Variants in ATG7 observed in about 807,000 individuals in gnomAD.
The protein encoded by ATG7 is autophagy related 7, also known as ubiquitin-like modifier-activating enzyme ATG7.
ATG7 carries 70 observed loss-of-function variants against 82.4 expected under a neutral mutation model. The ratio of observed to expected loss-of-function variants is 0.85; its 90% CI spans 0.70 to 1.04. The LOEUF (loss-of-function observed/expected upper bound fraction) is 1.04, where lower values mean the gene tolerates loss of function less well. Ranked by LOEUF, ATG7 falls within the 50% of genes least tolerant of loss-of-function variation. ATG7 has a pLI of 0.00. For missense variants in ATG7, 792 were observed against 864.3 expected (o/e 0.92, Z 1.05); for synonymous variants, 287 against 313.0 (o/e 0.92, Z 0.88).
At chr3:11,403,130 A>C (rs963496027) in intron 19 of ATG7, among the ~76,000 whole-genome samples, 2 of 152,332 alleles carry the variant, frequency 1.3e-5, no homozygotes, top group East Asian at 3.9e-4. Context: ...AAGATATTCA[A>C]GAGCTTTATT....
intron 19 of ATG7, among the ~76,000 whole-genome samples, chr3:11,390,952 CTT>C (rs937631316): frequency 2.0e-5 from 3 of 152,154 alleles, no homozygotes; most frequent in African/African-American, 7.2e-5. Flanking sequence ...GTATCTCAAA[CTT>C]TGAGCTTCAG....
At chr3:11,275,684 C>T (rs1941624342) in intron 1 of ATG7, among the ~76,000 whole-genome samples, 1 of 152,078 alleles carries the variant, frequency 6.6e-6, no homozygotes, top group Admixed American at 6.6e-5. Flanking sequence ...ATCTCCCCAC[C>T]CTTCTCCAGT....
chr3:11,537,860 C>T (rs1028804234), intron 20 of ATG7, among the ~76,000 whole-genome samples: 2 of 152,298 alleles, frequency 1.3e-5, no homozygotes, highest in South Asian at 2.1e-4. Flanking sequence ...AGCTAGCCCA[C>T]AGAGAGCTGG....
In ATG7 at chr3:11,333,173, C is replaced by T. The variant is rs144203349; in HGVS notation, c.889+80C>T. The T allele has an allele frequency of 1.5e-4, 210 of 1,426,252 alleles. No homozygotes were observed. In the African/African-American group the frequency reaches 3.0e-3, roughly 20 times the overall value. 88.3% of individuals were successfully genotyped at this position (1,426,252 alleles called of 1,614,324 possible). ...CAGGTTTACTTTCTTTTCATATCGT[C>T]ACAATGGCAGAAGAAAGGAAGAGAA... On this transcript the variant is annotated intron_variant, in intron 11 of 20. Coordinates refer to ENST00000693202, the MANE Select transcript of ATG7 (RefSeq NM_001349232.2).
At chr3:11,449,149 G>A (rs993539231) in intron 20 of ATG7, among the ~76,000 whole-genome samples, 10 of 152,222 alleles carry the variant, frequency 6.6e-5, no homozygotes, top group Non-Finnish European at 1.2e-4. Flanking sequence ...GCGTGAGCTT[G>A]TAATGCAGAG....
At chr3:11,343,830 T>A (rs1380557922) in intron 13 of ATG7, among the ~76,000 whole-genome samples, 14 of 152,178 alleles carry the variant, frequency 9.2e-5, no homozygotes, top group Admixed American at 9.2e-4. Context: ...GACTCATTGA[T>A]CTATTTTTTT....
the ATG7 span, among the ~76,000 whole-genome samples, chr3:11,573,303 GAA>G: frequency 4.3e-5 from 1 of 23,312 alleles, no homozygotes; most frequent in Non-Finnish European, 6.7e-5. Flanking sequence ...AAGAAAGAAA[GAA>G]AGGAAGGAAG....
At chr3:11,558,630 A>G, downstream of ATG7, 1 of 1,609,656 alleles carries the variant, frequency 6.2e-7, no homozygotes, top group Non-Finnish European at 8.5e-7. Flanking sequence ...CCCCTGCGAG[A>G]GGCGGACTCA....
At chr3:11,442,485 C>A (rs893980677) in intron 20 of ATG7, among the ~76,000 whole-genome samples, 1 of 151,608 alleles carries the variant, frequency 6.6e-6, no homozygotes, top group East Asian at 1.9e-4. Context: ...GGCCTTTGAA[C>A]GTAAATATCT....
chr3:11,540,968 T>C (rs755091555), intron 20 of ATG7, among the ~76,000 whole-genome samples: 24 of 150,852 alleles, frequency 1.6e-4, no homozygotes, highest in East Asian at 3.9e-4. Flanking sequence ...GGTGCAATCT[T>C]GGCTCACTGC....
chr3:11,563,704 A>G, the ATG7 span, among the ~76,000 whole-genome samples: 2 of 152,160 alleles, frequency 1.3e-5, no homozygotes, highest in East Asian at 3.9e-4. Flanking sequence ...GAGAACAAAA[A>G]CTGCATCTTG....
At chr3:11,484,642 T>A (rs1458708903) in intron 20 of ATG7, among the ~76,000 whole-genome samples, 1 of 152,222 alleles carries the variant, frequency 6.6e-6, no homozygotes, top group East Asian at 1.9e-4. Context: ...GCTGGTGTGC[T>A]GCACCCATTA....
At chr3:11,489,428 C>T (rs1054312577) in intron 20 of ATG7, among the ~76,000 whole-genome samples, 11 of 151,870 alleles carry the variant, frequency 7.2e-5, no homozygotes, top group Non-Finnish European at 1.0e-4. Flanking sequence ...TTCAAAAAAA[C>T]CAGCTCCTGG....
At chr3:11,490,501 T>A (rs1342027099) in intron 20 of ATG7, among the ~76,000 whole-genome samples, 4 of 152,212 alleles carry the variant, frequency 2.6e-5, no homozygotes, top group Admixed American at 6.5e-5. Flanking sequence ...TGTGTGAATT[T>A]GATCCTGTCA....
At chr3:11,531,679 C>A (rs1384246020) in intron 20 of ATG7, among the ~76,000 whole-genome samples, 1 of 152,074 alleles carries the variant, frequency 6.6e-6, no homozygotes, top group Non-Finnish European at 1.5e-5. Flanking sequence ...TGAGACCAGC[C>A]TGGGCAACAT....
At chr3:11,540,259 G>A (rs909731048) in intron 20 of ATG7, among the ~76,000 whole-genome samples, 1 of 152,182 alleles carries the variant, frequency 6.6e-6, no homozygotes, top group South Asian at 2.1e-4. Context: ...TATGCAAGTG[G>A]CATCTCATTA....
intron 19 of ATG7, among the ~76,000 whole-genome samples, chr3:11,423,712 C>T (rs1269168554): frequency 1.3e-5 from 2 of 152,080 alleles, no homozygotes; most frequent in Non-Finnish European, 2.9e-5. Flanking sequence ...CCTACACTCC[C>T]CCAGCTCTCT....
intron 3 of ATG7, among the ~76,000 whole-genome samples, chr3:11,283,304 T>G (rs1248176760): frequency 6.6e-6 from 1 of 152,146 alleles, no homozygotes; most frequent in African/African-American, 2.4e-5. Flanking sequence ...GGGAACCACA[T>G]TAGTCAGGCA....
chr3:11,506,574 AAAAAAAAAAAC>A (rs55774403), intron 20 of ATG7, among the ~76,000 whole-genome samples: 52,499 of 114,936 alleles, frequency 0.46, 12,637 homozygotes, highest in East Asian at 0.55. Context: ...AAAAAAAAAA[AAAAAAAAAAAC>A]CCAAAAATTA....
Sources: allele counts gnomAD v4.1 joint callset (sites outside exome capture counted in the v4.1 genomes callset), GRCh38; gene constraint gnomAD v4.1.1; transcripts MANE v1.5; gene names NCBI Gene and HGNC (gene_info 2026-07-23, HGNC 2026-07-21).